Variants in MEI1 observed in about 807,000 individuals in gnomAD.
MEI1 encodes the protein meiosis inhibitor protein 1.
MEI1 carries 103 observed loss-of-function variants against 146.2 expected under a neutral mutation model. The observed-to-expected ratio is 0.70, with a 90% CI of 0.60 to 0.83. MEI1 has a LOEUF of 0.83. Among genes scored for constraint, MEI1 ranks in the 40% least tolerant of loss-of-function variants. MEI1 has a pLI of 0.00. For missense variants in MEI1, 1,529 were observed against 1,533.0 expected (o/e 1.00, Z 0.04); for synonymous variants, 652 against 628.2 (o/e 1.04, Z -0.57).
chr22:41,718,280 A>G lies in MEI1; in HGVS notation c.733+6A>G, dbSNP rs780424990. The G allele has an allele frequency of 1.9e-6, 3 of 1,613,126 alleles. No individual in the cohort carries two copies. Among genetic ancestry groups the G allele is most frequent in the Admixed American group, 3.3e-5 (2 of 59,858 alleles). Reference sequence around the variant, plus strand: ...GCTGCAGATTAACTGCTTGGGTAAGACATGAGGCTGGAGAAAAAAGGGAGA... The same window carrying G: ...GCTGCAGATTAACTGCTTGGGTAAGGCATGAGGCTGGAGAAAAAAGGGAGA... On this transcript the variant is annotated splice_donor_region_variant and intron_variant, in intron 6 of 30. Coordinates refer to ENST00000401548, the MANE Select transcript of MEI1 (RefSeq NM_152513.4).
intron 21 of MEI1, among the ~76,000 whole-genome samples, chr22:41,776,791 T>C (rs2075458908): frequency 6.6e-6 from 1 of 151,796 alleles, no homozygotes; most frequent in Non-Finnish European, 1.5e-5. Context: ...TGTATTTATT[T>C]ATTTTATATT....
At chr22:41,748,303 G>A (rs1601906009) in intron 15 of MEI1, 85 bp downstream of exon 15, 4 of 869,040 alleles carry the variant, frequency 4.6e-6, no homozygotes, top group East Asian at 2.5e-5. Context: ...AGGATAAGTT[G>A]TGGGTGCACA....
At chr22:41,787,708 G>A (rs1342442772) in intron 26 of MEI1, among the ~76,000 whole-genome samples, 1 of 152,204 alleles carries the variant, frequency 6.6e-6, no homozygotes, top group Non-Finnish European at 1.5e-5. Flanking sequence ...AACAGGAGGT[G>A]TGGGGGGAAT....
At chr22:41,790,373 C>T (rs2076134402) in intron 26 of MEI1, among the ~76,000 whole-genome samples, 1 of 152,140 alleles carries the variant, frequency 6.6e-6, no homozygotes, top group Non-Finnish European at 1.5e-5. Context: ...GTGTGAGCCA[C>T]CGCACCCGGT....
At chr22:41,753,281 C>T (rs547913484) in intron 16 of MEI1, among the ~76,000 whole-genome samples, 104 of 151,922 alleles carry the variant, frequency 6.8e-4, no homozygotes, top group Non-Finnish European at 1.2e-3. Flanking sequence ...GGATTACAGG[C>T]GTGAGCCACC....
At chr22:41,737,171 A>G (rs1480677744) in intron 11 of MEI1, among the ~76,000 whole-genome samples, 3 of 152,126 alleles carry the variant, frequency 2.0e-5, no homozygotes, top group Non-Finnish European at 4.4e-5. Context: ...TCTCATTCAG[A>G]ATTTCCTTTC....
At chr22:41,720,722 G>A (rs1018192200) in intron 6 of MEI1, among the ~76,000 whole-genome samples, 4 of 150,976 alleles carry the variant, frequency 2.6e-5, no homozygotes, top group African/African-American at 2.4e-5. Flanking sequence ...TCAGTCTCCC[G>A]AGTAGCTGAG....
chr22:41,718,307 T>A (rs757017109), intron 6 of MEI1, 33 bp downstream of exon 6: 2 of 1,599,812 alleles, frequency 1.3e-6, no homozygotes, highest in South Asian at 1.1e-5. Context: ...AAAGGGAGAA[T>A]AAGTTTTTGA....
intron 19 of MEI1, among the ~76,000 whole-genome samples, chr22:41,767,351 G>A (rs2074921633): frequency 1.3e-5 from 2 of 152,160 alleles, no homozygotes; most frequent in South Asian, 4.1e-4. Flanking sequence ...GGCCTTCCTG[G>A]CGAGATCTCC....
Position 41,703,439 on chromosome 22 carries a change from A to G in MEI1, c.283A>G (p.Ile95Val), listed in dbSNP as rs1281457507. The G allele has an allele frequency of 1.9e-6, 3 of 1,583,944 alleles. No individual in the cohort carries two copies. The highest frequency in any genetic ancestry group is 2.3e-5 in the South Asian group (2 of 86,528). Reference sequence around the variant, plus strand: ...GGATCAGAGAGTCTGCATCCACTTCATAAGTGTGCTTTTTGGTAAGATTAA... The same window carrying G: ...GGATCAGAGAGTCTGCATCCACTTCGTAAGTGTGCTTTTTGGTAAGATTAA... ...SQDQRVCIHF[I>V]SVLFGLLCSM... The change falls in exon 2 of 31, where the codon ATA becomes GTA. Residue 95 changes from isoleucine to valine, a missense_variant. Ile to Val is a conservative substitution (Grantham distance 29). Coordinates refer to ENST00000401548, the MANE Select transcript of MEI1 (RefSeq NM_152513.4).
In MEI1 at chr22:41,738,107, G is replaced by A. The variant is rs568741140; in HGVS notation, c.1332-4973G>A. 1.2e-4 allele frequency among the ~76,000 whole-genome samples: 19 copies of A among 152,146 alleles called. No individual in the cohort carries two copies. In the South Asian group the frequency reaches 3.5e-3, roughly 28 times the overall value. ...AGGTAGGAGGATCGCTTGAGGCTAA[G>A]CGTTTGAGACTAGCCTGGACAACAT... On this transcript the variant is annotated intron_variant, in intron 11 of 30. Coordinates refer to ENST00000401548, the MANE Select transcript of MEI1 (RefSeq NM_152513.4).
chr22:41,708,990 A>G (rs1601647684), intron 3 of MEI1, among the ~76,000 whole-genome samples: 1 of 152,338 alleles, frequency 6.6e-6, no homozygotes, highest in East Asian at 1.9e-4. Flanking sequence ...CTGGGAGCCA[A>G]GAGGAAGTCT....
At chr22:41,757,712 C>T (rs1161108562) in intron 17 of MEI1, among the ~76,000 whole-genome samples, 8 of 152,066 alleles carry the variant, frequency 5.3e-5, no homozygotes, top group East Asian at 3.9e-4. Context: ...CTCAATATAG[C>T]GCTGATCACA....
At chr22:41,758,838 A>C (rs1189202561) in intron 18 of MEI1, among the ~76,000 whole-genome samples, 1 of 152,202 alleles carries the variant, frequency 6.6e-6, no homozygotes, top group East Asian at 1.9e-4. Flanking sequence ...TTACTGTTCA[A>C]TTTATTACAT....
At chr22:41,773,903 C>T (rs1330031322) in intron 20 of MEI1, among the ~76,000 whole-genome samples, 1 of 152,074 alleles carries the variant, frequency 6.6e-6, no homozygotes, top group Non-Finnish European at 1.5e-5. Flanking sequence ...AAAAGAACAG[C>T]AAGGAACAAC....
intron 21 of MEI1, among the ~76,000 whole-genome samples, chr22:41,777,611 C>T (rs187582039): frequency 6.6e-6 from 1 of 152,234 alleles, no homozygotes; most frequent in South Asian, 2.1e-4. Flanking sequence ...GGTTAAGAAC[C>T]TTAAGATGTA....
chr22:41,760,969 C>G (rs2074448601), intron 18 of MEI1, among the ~76,000 whole-genome samples: 3 of 151,152 alleles, frequency 2.0e-5, no homozygotes, highest in Non-Finnish European at 1.5e-5. Flanking sequence ...TGTTTTTTTT[C>G]TTAAAACAGG....
Position 41,795,862 on chromosome 22 carries a change from A to C in MEI1, c.3779+15A>C, listed in dbSNP as rs372489332. On this transcript the variant is annotated intron_variant, in intron 30 of 30. Coordinates refer to ENST00000401548, the MANE Select transcript of MEI1 (RefSeq NM_152513.4). This position sits in a 1 kb window ranked among gnomAD's most constrained non-coding sequence, Gnocchi z 4.2. ...CAGGACATGCTGTATCCTTTCTTGC[A>C]TCTATGATGAAGGAGATGCCAAATC... 14 of 1,611,378 alleles carry C rather than the reference A, an allele frequency of 8.7e-6. No homozygotes were observed. The highest frequency in any genetic ancestry group is 1.1e-5 in the Non-Finnish European group (13 of 1,178,562).
At position 41,781,305 on chromosome 22, in the gene MEI1, G is replaced by T; in HGVS notation, c.2837G>T (p.Cys946Phe). 1.2e-6 allele frequency: 2 copies of T among 1,612,444 alleles called. No homozygotes were observed. The highest frequency in any genetic ancestry group is 8.5e-7 in the Non-Finnish European group (1 of 1,179,346). The change falls in exon 23 of 31, where the codon TGC becomes TTC. Residue 946 changes from cysteine to phenylalanine, a missense_variant. Cys to Phe is a radical substitution (Grantham distance 205). This residue lies in a region of MEI1 where 1,212 missense variants were observed against 1,178.9 expected (regional missense o/e 1.03). Coordinates refer to ENST00000401548, the MANE Select transcript of MEI1 (RefSeq NM_152513.4). ...LHQVSKLCGK[C>F]SPTDVDILQP... Reference sequence around the variant, plus strand: ...GCAGTAAGCAAGCTGTGTGGGAAGTGCAGCCCCACTGACGTGGACATCCTG... The same window carrying T: ...GCAGTAAGCAAGCTGTGTGGGAAGTTCAGCCCCACTGACGTGGACATCCTG...
Sources: allele counts gnomAD v4.1 joint callset (sites outside exome capture counted in the v4.1 genomes callset), GRCh38; gene constraint gnomAD v4.1.1; regional missense constraint gnomAD v4.1.1; non-coding constraint Gnocchi (gnomAD v3.1); transcripts MANE v1.5; gene names NCBI Gene and HGNC (gene_info 2026-07-23, HGNC 2026-07-21).